Variants in TENM2 observed in about 807,000 individuals in gnomAD.
TENM2 encodes the protein teneurin-2.
Under a neutral mutation model 245.2 loss-of-function variants are expected in TENM2, and 52 were observed. The ratio of observed to expected loss-of-function variants is 0.21; its 90% confidence interval spans 0.17 to 0.27. The LOEUF (loss-of-function observed/expected upper bound fraction) is 0.27. TENM2 is among the 10% of genes least tolerant of loss of function. The pLI is 1.00. For synonymous variants in TENM2, 1,363 were observed against 1,438.9 expected (o/e 0.95, Z 1.19); for missense variants, 3,046 against 3,666.8 (o/e 0.83, Z 4.37).
intron 2 of TENM2, among the ~76,000 whole-genome samples, chr5:167,386,703 A>G (rs1182386813): frequency 6.6e-6 from 1 of 152,168 alleles, no homozygotes; most frequent in Non-Finnish European, 1.5e-5. Flanking sequence ...ATGAGAGATG[A>G]GGATCCAGTT....
Position 168,112,323 on chromosome 5 carries a change from G to T in TENM2, c.1814-5969G>T, listed in dbSNP as rs188035102. Among the ~76,000 whole-genome samples the T allele has an allele frequency of 7.9e-5, 12 of 152,022 alleles. No individual in the cohort carries two copies. In the South Asian group the frequency reaches 1.0e-3, roughly 13 times the overall value. On this transcript the variant is annotated intron_variant, in intron 9 of 28. Coordinates refer to ENST00000518659, the Ensembl canonical transcript of TENM2. ...GTTGTACAGATTATTCCATCACTCA[G>T]GTATTAAGCCTAGCGCCCACTAGTT...
chr5:167,016,097 A>G, the TENM2 span, among the ~76,000 whole-genome samples: 1 of 151,976 alleles, frequency 6.6e-6, no homozygotes, highest in Non-Finnish European at 1.5e-5. Flanking sequence ...TACTAAAAAT[A>G]CAAAAAATTA....
intron 2 of TENM2, among the ~76,000 whole-genome samples, chr5:167,429,087 C>T (rs916908622): frequency 1.3e-4 from 20 of 152,250 alleles, no homozygotes; most frequent in Admixed American, 1.2e-3. Flanking sequence ...TGAATGGAAT[C>T]CTATGATATA....
chr5:167,350,502 G>GAT (rs1581807541), intron 1 of TENM2, among the ~76,000 whole-genome samples: 2 of 142,678 alleles, frequency 1.4e-5, no homozygotes, highest in Admixed American at 7.2e-5. Flanking sequence ...ATATATACAA[G>GAT]ATATATATAT....
intron 3 of TENM2, among the ~76,000 whole-genome samples, chr5:167,948,065 T>G (rs1779779716): frequency 6.6e-6 from 1 of 152,206 alleles, no homozygotes; most frequent in Non-Finnish European, 1.5e-5. Context: ...AATAGTCGAT[T>G]ATTAACAATT....
chr5:167,827,244 ACT>A (rs1768044514), intron 2 of TENM2, among the ~76,000 whole-genome samples: 1 of 152,086 alleles, frequency 6.6e-6, no homozygotes, highest in Non-Finnish European at 1.5e-5. Context: ...CAGAATTAAC[ACT>A]CTCATCTTCA....
At chr5:167,867,103 G>A (rs1038790086) in intron 2 of TENM2, among the ~76,000 whole-genome samples, 2 of 152,206 alleles carry the variant, frequency 1.3e-5, no homozygotes, top group African/African-American at 2.4e-5. Context: ...ACTTTCTGGT[G>A]AGAAGGTATT....
chr5:167,490,877 A>G (rs1369303384), intron 2 of TENM2, among the ~76,000 whole-genome samples: 3 of 152,206 alleles, frequency 2.0e-5, no homozygotes, highest in Non-Finnish European at 4.4e-5. Context: ...AAGGTAAGGT[A>G]GTTAAGTTCA....
intron 12 of TENM2, among the ~76,000 whole-genome samples, chr5:168,141,907 A>G (rs1266821503): frequency 6.6e-6 from 1 of 152,188 alleles, no homozygotes; most frequent in Non-Finnish European, 1.5e-5. Flanking sequence ...ACACATACAC[A>G]AACATTTCTA....
intron 22 of TENM2, 131 bp from the exon 25 acceptor site, chr5:168,217,994 A>G (rs1405994597): frequency 2.2e-6 from 2 of 907,514 alleles, no homozygotes; most frequent in African/African-American, 1.7e-5. Flanking sequence ...TTCAATGAAG[A>G]GCATTTCTAA....
chr5:167,918,169 T>C (rs925233855), intron 3 of TENM2, among the ~76,000 whole-genome samples: 3 of 152,208 alleles, frequency 2.0e-5, no homozygotes, highest in Admixed American at 6.5e-5. Context: ...TGTGAGATCA[T>C]GACGGGTTTA....
chr5:167,672,781 A>T (rs1459074), intron 2 of TENM2, among the ~76,000 whole-genome samples: 54,264 of 151,812 alleles, frequency 0.36, 13,272 homozygotes, highest in East Asian at 0.91. Context: ...TTTTGACAAA[A>T]GATTGACCCA....
At chr5:167,835,150 A>G (rs1768875152) in intron 2 of TENM2, among the ~76,000 whole-genome samples, 1 of 152,222 alleles carries the variant, frequency 6.6e-6, no homozygotes, top group South Asian at 2.1e-4. Flanking sequence ...AAAATGAAAT[A>G]AGGTTATGTT....
At chr5:168,091,636 A>C (rs945195805) in intron 8 of TENM2, among the ~76,000 whole-genome samples, 2 of 152,232 alleles carry the variant, frequency 1.3e-5, no homozygotes, top group African/African-American at 4.8e-5. Flanking sequence ...CCCATTTCAC[A>C]GAAGAATAAA....
chr5:167,129,282 G>C, the TENM2 span, among the ~76,000 whole-genome samples: 1 of 152,066 alleles, frequency 6.6e-6, no homozygotes, highest in Non-Finnish European at 1.5e-5. Flanking sequence ...ATTTATTGCT[G>C]GTGTCCCGGC....
chr5:167,421,228 C>T (rs991475713), intron 2 of TENM2, among the ~76,000 whole-genome samples: 1 of 152,184 alleles, frequency 6.6e-6, no homozygotes, highest in Non-Finnish European at 1.5e-5. Flanking sequence ...GCCACTGATC[C>T]ATGCTACTCA....
At chr5:167,228,942 C>T in the TENM2 span, among the ~76,000 whole-genome samples, 15 of 152,140 alleles carry the variant, frequency 9.9e-5, no homozygotes, top group South Asian at 2.5e-3. Context: ...CCTTGTGATC[C>T]GCCCACCTCG....
chr5:168,169,808 G>A (rs1271796627), intron 13 of TENM2, among the ~76,000 whole-genome samples: 1 of 152,168 alleles, frequency 6.6e-6, no homozygotes. Context: ...TGGTTGGGTG[G>A]GGGACAGCTT....
chr5:167,391,297 A>T (rs906341383), intron 2 of TENM2, among the ~76,000 whole-genome samples: 1 of 152,110 alleles, frequency 6.6e-6, no homozygotes, highest in Non-Finnish European at 1.5e-5. Flanking sequence ...ACAGAACTTG[A>T]TGATAGTTTG....
Sources: gnomAD v4.1 joint callset for allele counts (sites outside exome capture counted in the v4.1 genomes callset) on GRCh38, gnomAD v4.1.1 for gene constraint, MANE v1.5 for transcripts, NCBI Gene and HGNC (gene_info 2026-07-23, HGNC 2026-07-21) for gene names.